The following KCNT2 variants were observed in gnomAD, a reference collection of about 807,000 sequenced individuals.
The protein encoded by KCNT2 is potassium channel subfamily T member 2.
A neutral mutation model predicts 153.8 loss-of-function variants in KCNT2; 67 were observed. The ratio of observed to expected loss-of-function variants is 0.44; its 90% CI spans 0.36 to 0.53. The LOEUF is 0.53. Among genes scored for constraint, KCNT2 ranks in the 20% least tolerant of loss-of-function variants. The pLI is 0.00. For missense variants in KCNT2, 975 were observed against 1,354.8 expected (o/e 0.72, Z 4.40); for synonymous variants, 500 against 458.8 (o/e 1.09, Z -1.15).
Position 196,342,087 on chromosome 1 carries a change from T to A in KCNT2, c.1545A>T (p.Ala515=). 6.2e-7 allele frequency: 1 copy of A among 1,601,226 alleles called. No individual in the cohort carries two copies. Among genetic ancestry groups the A allele is most frequent in the South Asian group, 1.1e-5 (1 of 88,420 alleles). ...CTGAGGCAGAAACATACTTTTTGTG[T>A]GCATGGAAAGAGGCATATGTAAAAC... ...GKSFTYASFH[A]HKKFGVCLIG... The change falls in exon 15 of 28, where the codon GCA becomes GCT. Residue 515 remains alanine, a synonymous_variant. Transcript: ENST00000294725.
intron 8 of KCNT2, among the ~76,000 whole-genome samples, chr1:196,435,726 G>C (rs1674598879): frequency 6.6e-6 from 1 of 151,704 alleles, no homozygotes; most frequent in South Asian, 2.1e-4. Flanking sequence ...TCGGACAACT[G>C]TCTAGGCTAT....
intron 14 of KCNT2, among the ~76,000 whole-genome samples, chr1:196,372,307 T>A (rs1668604482): frequency 6.6e-6 from 1 of 151,976 alleles, no homozygotes; most frequent in Non-Finnish European, 1.5e-5. Flanking sequence ...TTTTTCTGGA[T>A]TTATTTGATT....
intron 1 of KCNT2, among the ~76,000 whole-genome samples, chr1:196,562,599 GA>G (rs1659558781): frequency 6.6e-6 from 1 of 151,808 alleles, no homozygotes; most frequent in Admixed American, 6.6e-5. Flanking sequence ...TGAGAAATTT[GA>G]ATACTGAATT....
At chr1:196,280,358 C>T (rs554811139) in intron 25 of KCNT2, among the ~76,000 whole-genome samples, 1 of 152,316 alleles carries the variant, frequency 6.6e-6, no homozygotes, top group East Asian at 1.9e-4. Context: ...TCTGACACTA[C>T]TCTTATACTC....
chr1:196,579,687 T>G (rs1661791745), intron 1 of KCNT2, among the ~76,000 whole-genome samples: 2 of 151,936 alleles, frequency 1.3e-5, no homozygotes. Context: ...GAGAAGGGGT[T>G]TCAACATGTT....
At chr1:196,563,232 G>T (rs1659652757) in intron 1 of KCNT2, among the ~76,000 whole-genome samples, 1 of 151,616 alleles carries the variant, frequency 6.6e-6, no homozygotes, top group Non-Finnish European at 1.5e-5. Flanking sequence ...CTCTTTTAGG[G>T]GTTAGAATTT....
In KCNT2 at chr1:196,516,292, C is replaced by A. The variant is rs551592091; in HGVS notation, c.96-23951G>T. On this transcript the variant is annotated intron_variant, in intron 1 of 27. Transcript: ENST00000294725. ...AACCTTAATCATTGTTGCCTTAGGG[C>A]TCTGGGGAATCAGGGGCAATTAGGG... 1.8e-3 allele frequency among the ~76,000 whole-genome samples: 276 copies of A among 152,152 alleles called. 2 individuals carry two copies. Among genetic ancestry groups the A allele is most frequent in the African/African-American group, 6.3e-3 (261 of 41,510 alleles).
At chr1:196,256,035 G>C (rs1656454368) in intron 26 of KCNT2, among the ~76,000 whole-genome samples, 1 of 151,856 alleles carries the variant, frequency 6.6e-6, no homozygotes, top group Admixed American at 6.6e-5. Context: ...AATAAAATGT[G>C]TCTCCACTAT....
intron 1 of KCNT2, among the ~76,000 whole-genome samples, chr1:196,586,391 C>G (rs1384865647): frequency 6.6e-6 from 1 of 152,056 alleles, no homozygotes; most frequent in Non-Finnish European, 1.5e-5. Flanking sequence ...TTTTTAAACT[C>G]TTGATTTAAA....
intron 13 of KCNT2, among the ~76,000 whole-genome samples, chr1:196,387,004 T>C (rs1340024746): frequency 6.6e-6 from 1 of 152,108 alleles, no homozygotes; most frequent in Non-Finnish European, 1.5e-5. Context: ...ACATAACTTA[T>C]AGTTATAATT....
intron 1 of KCNT2, among the ~76,000 whole-genome samples, chr1:196,516,035 C>A (rs1204329850): frequency 1.3e-5 from 2 of 152,156 alleles, no homozygotes; most frequent in Non-Finnish European, 2.9e-5. Flanking sequence ...GACTTCCCAG[C>A]AAAGGCAGCT....
At chr1:196,272,195 A>G (rs1658128314) in intron 25 of KCNT2, among the ~76,000 whole-genome samples, 1 of 151,958 alleles carries the variant, frequency 6.6e-6, no homozygotes, top group South Asian at 2.1e-4. Flanking sequence ...TGACTTGTCC[A>G]GGAATGGGAC....
chr1:196,240,083 A>AT (rs60907238), intron 26 of KCNT2, among the ~76,000 whole-genome samples: 3,297 of 152,136 alleles, frequency 0.022, 104 homozygotes, highest in African/African-American at 0.074. Context: ...ACTCTGTGGT[A>AT]TTTTTTTATG....
chr1:196,571,981 C>T (rs961744870), intron 1 of KCNT2, among the ~76,000 whole-genome samples: 1 of 152,158 alleles, frequency 6.6e-6, no homozygotes, highest in Non-Finnish European at 1.5e-5. Context: ...AGAAGCAGGA[C>T]CTGAAAGGCA....
At chr1:196,387,950 T>C (rs1670141940) in intron 13 of KCNT2, among the ~76,000 whole-genome samples, 1 of 151,116 alleles carries the variant, frequency 6.6e-6, no homozygotes, top group Non-Finnish European at 1.5e-5. Context: ...TTTTCTCTTA[T>C]GGTTTGTGGT....
chr1:196,331,330 G>A (rs1290198867), intron 17 of KCNT2, 69 bp from the exon 18 acceptor site: 3 of 807,290 alleles, frequency 3.7e-6, no homozygotes, highest in Admixed American at 1.8e-5. Flanking sequence ...TTACGACCAT[G>A]TTCCTCTGTT....
intron 5 of KCNT2, among the ~76,000 whole-genome samples, chr1:196,472,336 C>T (rs1205095249): frequency 6.6e-6 from 1 of 152,138 alleles, no homozygotes; most frequent in East Asian, 1.9e-4. Flanking sequence ...AACCTTTATA[C>T]TTAAAGTAAT....
At chr1:196,241,458 A>G (rs1654953186) in intron 26 of KCNT2, among the ~76,000 whole-genome samples, 1 of 152,180 alleles carries the variant, frequency 6.6e-6, no homozygotes, top group Non-Finnish European at 1.5e-5. Context: ...ATCTATTGTT[A>G]CTGAACTGAC....
intron 26 of KCNT2, among the ~76,000 whole-genome samples, chr1:196,255,684 T>C (rs905795783): frequency 1.3e-5 from 2 of 151,884 alleles, no homozygotes; most frequent in South Asian, 2.1e-4. Flanking sequence ...TTTCAGGTAG[T>C]TTGGATCAGT....
Sources: gnomAD v4.1 joint callset for allele counts (sites outside exome capture counted in the v4.1 genomes callset) on GRCh38, gnomAD v4.1.1 for gene constraint, MANE v1.5 for transcripts, NCBI Gene and HGNC (gene_info 2026-07-23, HGNC 2026-07-21) for gene names.